RIF1: variants seen among roughly 807,000 people sequenced by gnomAD.
RIF1 encodes replication timing regulatory factor 1, also known as telomere-associated protein RIF1.
Under a neutral mutation model 247.1 loss-of-function variants are expected in RIF1, and 45 were observed. The observed-to-expected ratio is 0.18, with a 90% CI of 0.14 to 0.23. RIF1 has a LOEUF of 0.23. RIF1 is among the 10% of genes least tolerant of loss of function. The pLI, the probability that RIF1 is intolerant of heterozygous loss-of-function variation, is 1.00. For synonymous variants in RIF1, 1,087 were observed against 978.8 expected, an observed-to-expected ratio of 1.11 and a Z score of -2.06; for missense variants, 2,967 against 2,862.5, an observed-to-expected ratio of 1.04 and a Z score of -0.83.
chr2:151,464,688 G>A lies in RIF1; in HGVS notation c.5168G>A (p.Ser1723Asn). Reference protein sequence around the residue: ...FQTLECQHKRSRRVRRSKGCD... With the variant: ...FQTLECQHKRNRRVRRSKGCD... The stretch of plus-strand genomic sequence containing the variant: ...ACACTTGAATGCCAACACAAGAGAA[G>A]TAGGAGGGTGAGGAGATCTAAAGGT... The change falls in exon 30 of 36, where the codon AGT (serine) becomes AAT (asparagine). Residue 1723 changes from serine to asparagine, a missense_variant. This residue lies in a region of RIF1 where 2,028 missense variants were observed against 1,825.6 expected (regional missense o/e 1.11). Transcript: ENST00000444746. 3 of 1,612,888 alleles carry A rather than the reference G, an allele frequency of 1.9e-6. No individual in the cohort carries two copies. The highest frequency in any genetic ancestry group is 2.5e-6 in the Non-Finnish European group (3 of 1,179,364).
Position 151,456,607 on chromosome 2 carries a change from G to T in RIF1, c.2639G>T (p.Cys880Phe). Reference sequence around the variant, plus strand: ...GATGAAGTTCCTAAAGTATATAGTTGTCTGAACAACAAGGTAAAAATAGAC... The same window carrying T: ...GATGAAGTTCCTAAAGTATATAGTTTTCTGAACAACAAGGTAAAAATAGAC... Reference protein sequence around the residue: ...KLDEVPKVYSCLNNKLEKLLG... With the variant: ...KLDEVPKVYSFLNNKLEKLLG... The change falls in exon 23 of 36, where the codon TGT (cysteine) becomes TTT (phenylalanine). Residue 880 changes from cysteine to phenylalanine, a missense_variant. Coordinates refer to ENST00000444746, the MANE Select transcript of RIF1 (RefSeq NM_018151.5). The T allele has an allele frequency of 6.6e-7, 1 of 1,516,550 alleles. No homozygotes were observed. Among genetic ancestry groups the T allele is most frequent in the Non-Finnish European group, 9.1e-7 (1 of 1,103,900 alleles). The allele number at this position is 1,516,550 out of a possible 1,614,324, so 93.9% of individuals were successfully genotyped here.
chr2:151,487,038 C>T (rs1400905656), downstream of RIF1, among the ~76,000 whole-genome samples: 4 of 151,684 alleles, frequency 2.6e-5, no homozygotes, highest in Non-Finnish European at 5.9e-5. Flanking sequence ...GTTATGTATG[C>T]ATGAAATTGT....
intron 34 of RIF1, among the ~76,000 whole-genome samples, chr2:151,472,721 T>C (rs910975382): frequency 1.2e-4 from 19 of 152,212 alleles, no homozygotes; most frequent in Admixed American, 5.2e-4. Context: ...GGGATGAAGC[T>C]CACTTGATCA....
chr2:151,464,432 G>C lies in RIF1; in HGVS notation c.4912G>C (p.Asp1638His), dbSNP rs943543779. 6 of 1,613,464 alleles carry C rather than the reference G, an allele frequency of 3.7e-6. No individual in the cohort carries two copies. Among genetic ancestry groups the C allele is most frequent in the Non-Finnish European group, 5.1e-6 (6 of 1,179,792 alleles). Residue 1638 changes from aspartate to histidine, a missense_variant, in exon 30 of 36, where the codon GAT (aspartate) becomes CAT (histidine). Transcript: ENST00000444746. Reference protein sequence around the residue: ...VICQDSTVTSDLLQVPDDLPN... With the variant: ...VICQDSTVTSHLLQVPDDLPN... ...ATGTCAGGATTCTACAGTAACTTCA[G>C]ATTTGTTGCAAGTTCCTGATGATTT... is the stretch of plus-strand genomic sequence containing the variant.
In RIF1 at chr2:151,461,246, A is replaced by G. The variant is rs1297830253; in HGVS notation, c.3184A>G (p.Arg1062Gly). 2 of 1,613,630 alleles carry G rather than the reference A, an allele frequency of 1.2e-6. No individual in the cohort carries two copies. Among genetic ancestry groups the G allele is most frequent in the East Asian group, 4.5e-5 (2 of 44,830 alleles). ...IPPEGKDAKE[R>G]ILTDHQKEVL... Reference sequence around the variant, plus strand: ...TCCAGAAGGAAAAGATGCAAAGGAAAGAATATTAACTGATCATCAAAAAGA... The same window carrying G: ...TCCAGAAGGAAAAGATGCAAAGGAAGGAATATTAACTGATCATCAAAAAGA... The change falls in exon 27 of 36, where the codon AGA becomes GGA. Residue 1062 changes from arginine (R) to glycine (G), a missense_variant. Arg to Gly is a moderately radical substitution (Grantham distance 125, BLOSUM62 -2). Around this residue, in one of 7 missense-constraint regions of RIF1, gnomAD observed 2,028 missense variants for 1,825.6 expected, o/e 1.11. Transcript: ENST00000444746.
downstream of RIF1, chr2:151,508,030 C>T (rs753384215): frequency 1.6e-5 from 26 of 1,609,712 alleles, no homozygotes; most frequent in South Asian, 1.1e-4. Flanking sequence ...TTGGTTCTCC[C>T]GGACTCTCTG....
In RIF1 at chr2:151,457,749, C is replaced by A; in HGVS notation, c.2653-12C>A. 6.3e-7 allele frequency: 1 copy of A among 1,599,178 alleles called. No homozygotes were observed. Among genetic ancestry groups the A allele is most frequent in the South Asian group, 1.1e-5 (1 of 90,062 alleles). On this transcript the variant is annotated splice_polypyrimidine_tract_variant and intron_variant, in intron 23 of 35. Coordinates refer to ENST00000444746, the MANE Select transcript of RIF1 (RefSeq NM_018151.5). ...AGTATATGTTTTGCTTTTATTTTTT[C>A]GTTTTTCCTAGTTAGAAAAGCTACT...
At chr2:151,500,323 G>GA (rs1308222797) in intron 11 of RIF1, among the ~76,000 whole-genome samples, 3 of 151,892 alleles carry the variant, frequency 2.0e-5, no homozygotes, top group South Asian at 4.2e-4. Flanking sequence ...CCACTCCCCA[G>GA]AAAAAAATCC....
rs1453672764 is a variant in RIF1 at position 151,491,998 on chromosome 2, T to C, written c.*416-3231T>C. On this transcript the variant is annotated intron_variant and NMD_transcript_variant, in intron 9 of 13. Coordinates refer to the RIF1 transcript ENST00000454583. The stretch of plus-strand genomic sequence containing the variant: ...TTCTTGCACCTCTAGAAAAACAGAT[T>C]GAAGTCCTTTATGTTTTGACTTGAT... 19 of 1,278,056 alleles carry C rather than the reference T, an allele frequency of 1.5e-5. 1 individual carries two copies. In the East Asian group the frequency reaches 4.4e-4, roughly 30 times the overall value. The allele number at this position is 1,278,056 out of a possible 1,614,324, so 79.2% of individuals were successfully genotyped here.
intron 22 of RIF1, 112 bp from the exon 23 acceptor site, chr2:151,456,463 TATC>T: frequency 1.7e-6 from 1 of 604,520 alleles, no homozygotes; most frequent in Non-Finnish European, 2.9e-6. Context: ...CACCTTTTTA[TATC>T]ATCAATTTAT....
rs1329989595 is a variant in RIF1 at position 151,475,778 on chromosome 2, AGAC to A, written c.*711_*713del. On this transcript the variant is annotated 3_prime_UTR_variant, in exon 36 of 36. Coordinates refer to ENST00000444746, the MANE Select transcript of RIF1 (RefSeq NM_018151.5). The stretch of plus-strand genomic sequence containing the variant: ...AAATGCATGATTGTACATTATGTAT[AGAC>A]GACAATGTTTTTAATTTATAAATTT... 10 of 152,668 alleles carry A rather than the reference AGAC, an allele frequency of 6.6e-5. No individual in the cohort carries two copies. Among genetic ancestry groups the A allele is most frequent in the African/African-American group, 1.9e-4 (8 of 41,472 alleles). 9.5% of individuals were successfully genotyped at this position (152,668 alleles called of 1,614,324 possible).
chr2:151,483,918 TG>T (rs941949044), downstream of RIF1, among the ~76,000 whole-genome samples: 3 of 152,200 alleles, frequency 2.0e-5, no homozygotes, highest in African/African-American at 7.2e-5. Flanking sequence ...CCCCACTGTG[TG>T]GAAAAATTGT....
At chr2:151,502,740 T>C (rs1050359582) in intron 11 of RIF1, 1 of 978,122 alleles carries the variant, frequency 1.0e-6, no homozygotes, top group Non-Finnish European at 1.6e-6. Context: ...TAAGGTGTTA[T>C]TATTTTAAAT....
Position 151,410,090 on chromosome 2 carries a change from C to G in RIF1, c.-11+57C>G, listed in dbSNP as rs1378583483. On this transcript the variant is annotated intron_variant, in intron 1 of 35. Transcript: ENST00000444746. ...CCGCGGGGAACCCTCAGTCTGCCCA[C>G]CCTCCGCCCCCTCGCGGCGAGATGC... 7 of 696,980 alleles carry G rather than the reference C, an allele frequency of 1.0e-5. No homozygotes were observed. In the African/African-American group the frequency reaches 1.2e-4, roughly 12 times the overall value. The allele number at this position is 696,980 out of a possible 1,614,324, so 43.2% of individuals were successfully genotyped here. A position where few individuals can be genotyped will look rare whatever the true frequency, so the allele number is the denominator to read the frequency against.
intron 8 of RIF1, among the ~76,000 whole-genome samples, chr2:151,427,066 A>G (rs1573925607): frequency 6.9e-6 from 1 of 145,342 alleles, no homozygotes; most frequent in Admixed American, 6.8e-5. Context: ...TGTGTTTTTT[A>G]TTTTCTAAAC....
At chr2:151,473,818 G>C (rs2048763661) in intron 34 of RIF1, 146 bp from the exon 35 acceptor site, 5 of 635,546 alleles carry the variant, frequency 7.9e-6, no homozygotes, top group Non-Finnish European at 1.4e-5. Context: ...TTTCTTAGCA[G>C]TATTAGCTCT....
At chr2:151,459,335 A>C (rs1029907924) in intron 25 of RIF1, among the ~76,000 whole-genome samples, 1 of 152,222 alleles carries the variant, frequency 6.6e-6, no homozygotes, top group East Asian at 1.9e-4. Context: ...GGCTAATAAT[A>C]TTTGATTACT....
downstream of RIF1, among the ~76,000 whole-genome samples, chr2:151,512,147 CA>C (rs1302955770): frequency 2.0e-5 from 3 of 151,138 alleles, no homozygotes; most frequent in Admixed American, 2.0e-4. Context: ...TCTCCTGCCT[CA>C]GCCTCCCAAG....
At chr2:151,506,252 A>G (rs1033540702) in exon 13 of RIF1, 2 of 1,611,562 alleles carry the variant, frequency 1.2e-6, no homozygotes, top group Non-Finnish European at 1.7e-6. Context: ...TCCTCTTTAT[A>G]TAAAACCTGG....
Sources: gnomAD v4.1 joint callset for allele counts (sites outside exome capture counted in the v4.1 genomes callset) on GRCh38, gnomAD v4.1.1 for gene constraint, gnomAD v4.1.1 regional missense constraint, MANE v1.5 for transcripts, NCBI Gene and HGNC (gene_info 2026-07-23, HGNC 2026-07-21) for gene names.